The following PSD3 variants were observed in gnomAD, a reference collection of about 807,000 sequenced individuals.
The protein encoded by PSD3 is PH and SEC7 domain-containing protein 3.
A neutral mutation model predicts 105.5 loss-of-function variants in PSD3; 49 were observed. That is an observed-to-expected ratio of 0.46 (90% CI 0.37 to 0.59). PSD3 has a LOEUF of 0.59. Ranked by LOEUF, PSD3 falls within the 20% of genes least tolerant of loss-of-function variation. The pLI is 0.00. For synonymous variants in PSD3, 557 were observed against 457.8 expected, an observed-to-expected ratio of 1.22 and a Z score of -2.77; for missense variants, 1,561 against 1,263.8, an observed-to-expected ratio of 1.24 and a Z score of -3.57.
chr8:18,816,066 G>A lies in PSD3; in HGVS notation c.1635-11168C>T, dbSNP rs565533287. 1.3e-5 allele frequency among the ~76,000 whole-genome samples: 2 copies of A among 152,140 alleles called. 1 individual carries two copies. Among genetic ancestry groups the A allele is most frequent in the South Asian group, 4.1e-4 (2 of 4,824 alleles). On this transcript the variant is annotated intron_variant, in intron 4 of 15. Coordinates refer to ENST00000327040, the MANE Select transcript of PSD3 (RefSeq NM_015310.4). ...CTCTTTAAAATATTCCAGCTCCCCT[G>A]GAGACAGATCCAAAGGGTCATCTTC...
intron 1 of PSD3, among the ~76,000 whole-genome samples, chr8:18,960,317 G>A (rs1434501492): frequency 6.6e-6 from 1 of 152,178 alleles, no homozygotes; most frequent in African/African-American, 2.4e-5. Flanking sequence ...GACCAAAGAA[G>A]TGTCTTCTGA....
chr8:18,852,415 C>CA (rs1285194472), intron 4 of PSD3, among the ~76,000 whole-genome samples: 5 of 152,168 alleles, frequency 3.3e-5, no homozygotes, highest in African/African-American at 1.2e-4. Context: ...AGGCAACCTG[C>CA]ACCTATGAAA....
Position 18,871,988 on chromosome 8 carries a change from G to C in PSD3, c.876C>G (p.Arg292=), listed in dbSNP as rs760195837. The part of the protein sequence containing the change: ...GGCDRSSSMG[R]PGRVKHVEFQ... ...ATTCCACATGTTTGACCCGGCCTGG[G>C]CGTCCCATGGAGCTGCTTCGATCAC... The change falls in exon 3 of 16, where the codon CGC becomes CGG. Residue 292 remains arginine, a synonymous_variant. Transcript: ENST00000327040. 1.2e-6 allele frequency: 2 copies of C among 1,613,970 alleles called. No individual in the cohort carries two copies.
At chr8:18,736,576 G>C (rs1271089294) in intron 9 of PSD3, among the ~76,000 whole-genome samples, 1 of 152,060 alleles carries the variant, frequency 6.6e-6, no homozygotes, top group Non-Finnish European at 1.5e-5. Context: ...AAATCCCCAA[G>C]TTCCCTCCTT....
intron 1 of PSD3, among the ~76,000 whole-genome samples, chr8:19,050,893 C>T (rs1828505102): frequency 6.6e-6 from 1 of 152,128 alleles, no homozygotes; most frequent in South Asian, 2.1e-4. Context: ...CTCCCGTGAG[C>T]CAGGAGCTAG....
chr8:18,729,034 A>T (rs981591992), intron 9 of PSD3, among the ~76,000 whole-genome samples: 2 of 152,208 alleles, frequency 1.3e-5, no homozygotes, highest in African/African-American at 4.8e-5. Context: ...TGTTGATTTG[A>T]AAACTTTGAT....
intron 14 of PSD3, among the ~76,000 whole-genome samples, chr8:18,564,354 C>T (rs1275338264): frequency 1.3e-5 from 2 of 152,108 alleles, no homozygotes; most frequent in Non-Finnish European, 2.9e-5. Context: ...ATTGGCCAGG[C>T]ACGGTGGCTC....
chr8:18,716,455 G>C (rs1802606742), intron 9 of PSD3, among the ~76,000 whole-genome samples: 1 of 152,162 alleles, frequency 6.6e-6, no homozygotes, highest in African/African-American at 2.4e-5. Flanking sequence ...AGTGTTCCAG[G>C]TGGGTGAAAC....
At chr8:19,040,353 C>T (rs1417913894) in intron 1 of PSD3, among the ~76,000 whole-genome samples, 5 of 152,090 alleles carry the variant, frequency 3.3e-5, no homozygotes, top group African/African-American at 4.8e-5. Flanking sequence ...CACAGGCACG[C>T]GCCACCACCC....
intron 9 of PSD3, among the ~76,000 whole-genome samples, chr8:18,706,159 C>T (rs1160956163): frequency 3.3e-5 from 5 of 152,074 alleles, no homozygotes; most frequent in Non-Finnish European, 5.9e-5. Context: ...AACGAGAAGA[C>T]GCTTAGAGCA....
At chr8:18,870,208 A>C (rs1407429502) in intron 3 of PSD3, among the ~76,000 whole-genome samples, 5 of 152,162 alleles carry the variant, frequency 3.3e-5, no homozygotes, top group African/African-American at 4.8e-5. Context: ...AACAAAAAAC[A>C]ACCCTCGGCC....
chr8:18,821,717 A>ACACACACCCCC (rs1554513425), intron 4 of PSD3, among the ~76,000 whole-genome samples: 10 of 141,120 alleles, frequency 7.1e-5, no homozygotes, highest in Admixed American at 7.1e-5. Context: ...ACACACACAC[A>ACACACACCCCC]CCCCAATAAC....
rs76278750 is a variant in PSD3 at position 18,989,634 on chromosome 8, C to G, written c.21+23929G>C. 1.7e-3 allele frequency among the ~76,000 whole-genome samples: 258 copies of G among 152,296 alleles called. 1 individual carries two copies. Among genetic ancestry groups the G allele is most frequent in the African/African-American group, 5.9e-3 (246 of 41,548 alleles). ...GAGGTCTGATTACATTTTCTATGCT[C>G]ATAGTACCTTCTTCTTACATAACTT... On this transcript the variant is annotated intron_variant, in intron 1 of 15. Coordinates refer to ENST00000327040, the MANE Select transcript of PSD3 (RefSeq NM_015310.4).
chr8:18,746,142 T>C (rs1384305260), intron 9 of PSD3, among the ~76,000 whole-genome samples: 2 of 152,160 alleles, frequency 1.3e-5, no homozygotes, highest in South Asian at 2.1e-4. Context: ...ATTTTACATA[T>C]ACCCTTTCCT....
At chr8:18,832,899 T>C (rs1457370113) in intron 4 of PSD3, among the ~76,000 whole-genome samples, 2 of 152,110 alleles carry the variant, frequency 1.3e-5, no homozygotes, top group African/African-American at 4.8e-5. Flanking sequence ...GTGCCTCCCA[T>C]GACACACGGG....
At chr8:18,554,864 C>T (rs1800973038) in intron 15 of PSD3, among the ~76,000 whole-genome samples, 1 of 152,052 alleles carries the variant, frequency 6.6e-6, no homozygotes, top group Non-Finnish European at 1.5e-5. Context: ...ACGAACAGGA[C>T]TGTCAGAAAT....
chr8:18,998,345 C>G lies in PSD3; in HGVS notation c.21+15218G>C, dbSNP rs930816072. Among the ~76,000 whole-genome samples, 63 of 151,956 alleles carry G rather than the reference C, an allele frequency of 4.1e-4. 2 individuals are homozygous for G. Among genetic ancestry groups the G allele is most frequent in the South Asian group, 4.2e-4 (2 of 4,792 alleles). On this transcript the variant is annotated intron_variant, in intron 1 of 15. Transcript: ENST00000327040. ...GATGCCCTGAAACACTCCAAGGGTG[C>G]TAGGCTTTCTCAAAACCCTGGACCT...
At chr8:18,693,407 G>A (rs1801081879) in intron 9 of PSD3, among the ~76,000 whole-genome samples, 1 of 152,170 alleles carries the variant, frequency 6.6e-6, no homozygotes. Flanking sequence ...TCATTGACTG[G>A]TCAGTGACAT....
chr8:19,080,218 CT>C (rs1829598939), intron 1 of PSD3, among the ~76,000 whole-genome samples: 7 of 152,170 alleles, frequency 4.6e-5, no homozygotes, highest in Admixed American at 4.6e-4. Flanking sequence ...CTTATCTTTC[CT>C]TAAAGAGTTT....
Sources: gnomAD v4.1 joint callset for allele counts (sites outside exome capture counted in the v4.1 genomes callset) on GRCh38, gnomAD v4.1.1 for gene constraint, MANE v1.5 for transcripts, NCBI Gene and HGNC (gene_info 2026-07-23, HGNC 2026-07-21) for gene names.